Variants in CNTN3 observed in about 807,000 individuals in gnomAD.
CNTN3 encodes contactin 3.
A neutral mutation model predicts 119.1 loss-of-function variants in CNTN3; 60 were observed. The ratio of observed to expected loss-of-function variants is 0.50; its 90% CI spans 0.41 to 0.62. The LOEUF (loss-of-function observed/expected upper bound fraction) is 0.62, where lower values mean the gene tolerates loss of function less well. CNTN3 is among the 20% of genes least tolerant of loss of function. The probability of loss-of-function intolerance (pLI) is 0.00; values close to 1 mark genes in which losing one functional copy is unlikely to be tolerated. For missense variants in CNTN3, 1,101 were observed against 1,242.4 expected, an observed-to-expected ratio of 0.89 and a Z score of 1.71; for synonymous variants, 450 against 438.7, an observed-to-expected ratio of 1.03 and a Z score of -0.32.
At chr3:74,612,844 T>C (rs1007514567) in intron 1 of CNTN3, among the ~76,000 whole-genome samples, 9 of 152,168 alleles carry the variant, frequency 5.9e-5, no homozygotes, top group African/African-American at 2.2e-4. Flanking sequence ...CTGAACCCGA[T>C]CAGATTTCTT....
At chr3:74,550,728 G>C (rs1236003485) in intron 1 of CNTN3, among the ~76,000 whole-genome samples, 1 of 152,102 alleles carries the variant, frequency 6.6e-6, no homozygotes, top group Non-Finnish European at 1.5e-5. Context: ...TTTTTGTAGA[G>C]ATGGGGTCTT....
chr3:74,373,119 G>A (rs1276408712), intron 5 of CNTN3, among the ~76,000 whole-genome samples: 1 of 152,124 alleles, frequency 6.6e-6, no homozygotes, highest in Admixed American at 6.5e-5. Context: ...GATAAGTTGT[G>A]AGCTCTAAAG....
chr3:74,426,110 GTTAAA>G (rs1701690863), intron 4 of CNTN3, among the ~76,000 whole-genome samples: 2 of 152,162 alleles, frequency 1.3e-5, no homozygotes, highest in Admixed American at 1.3e-4. Context: ...TTCTTTCCAA[GTTAAA>G]TTAAAGGAGA....
chr3:74,499,737 C>T lies in CNTN3; in HGVS notation c.104G>A (p.Ser35Asn). Residue 35 changes from serine (S) to asparagine (N), a missense_variant, in exon 3 of 23, where the codon AGC becomes AAC. By Grantham distance (46) the Ser-to-Asn change is conservative. Coordinates refer to ENST00000263665, the MANE Select transcript of CNTN3 (RefSeq NM_020872.3). ...GPVFIKEPSN[S>N]IFPVGSEDKK... ...ATCTTCTGAACCAACAGGGAAAATGCTGTTGCTGGGTTCTTTGATAAATAC... is the reference window on the plus strand; with the variant it reads ...ATCTTCTGAACCAACAGGGAAAATGTTGTTGCTGGGTTCTTTGATAAATAC... The T allele has an allele frequency of 1.2e-6, 2 of 1,611,434 alleles. No homozygotes were observed. The highest frequency in any genetic ancestry group is 1.3e-5 in the African/African-American group (1 of 74,840).
intron 1 of CNTN3, among the ~76,000 whole-genome samples, chr3:74,567,041 AGGCT>A (rs1704235861): frequency 6.6e-6 from 1 of 152,162 alleles, no homozygotes; most frequent in Non-Finnish European, 1.5e-5. Flanking sequence ...GGCACAGAGC[AGGCT>A]GGAGAGCGTA....
intron 4 of CNTN3, among the ~76,000 whole-genome samples, chr3:74,467,127 G>A (rs758597405): frequency 2.9e-4 from 44 of 151,828 alleles, no homozygotes; most frequent in Non-Finnish European, 4.7e-4. Flanking sequence ...TTCAAAAAAG[G>A]TATACTATAC....
At chr3:74,339,625 C>G (rs868850603) in intron 11 of CNTN3, among the ~76,000 whole-genome samples, 13 of 152,046 alleles carry the variant, frequency 8.6e-5, no homozygotes, top group African/African-American at 3.1e-4. Context: ...ACACTGTAGG[C>G]TCTCTGGAGG....
At chr3:74,344,396 GGTTTTTTTTTTT>G (rs1703629198) in intron 11 of CNTN3, among the ~76,000 whole-genome samples, 1 of 87,812 alleles carries the variant, frequency 1.1e-5, no homozygotes. Flanking sequence ...CTTACACAGT[GGTTTTTTTTTTT>G]TTTTTTTTTT....
chr3:74,315,299 A>G (rs1243625607), intron 13 of CNTN3, among the ~76,000 whole-genome samples: 2 of 152,202 alleles, frequency 1.3e-5, no homozygotes, highest in African/African-American at 4.8e-5. Context: ...CCATAAAAAT[A>G]GTTATCCAGC....
chr3:74,592,668 T>C (rs1357693947), intron 1 of CNTN3, among the ~76,000 whole-genome samples: 2 of 151,962 alleles, frequency 1.3e-5, no homozygotes, highest in Admixed American at 6.6e-5. Context: ...AAAATCTTGA[T>C]AGAAATTTCC....
chr3:74,285,727 T>A (rs1178310028), intron 19 of CNTN3, among the ~76,000 whole-genome samples: 1 of 112,656 alleles, frequency 8.9e-6, no homozygotes, highest in African/African-American at 3.1e-5. Flanking sequence ...ACCAGATAAA[T>A]TCAAACAGAA....
chr3:74,277,804 A>T (rs1486563982), intron 20 of CNTN3, among the ~76,000 whole-genome samples: 1 of 152,142 alleles, frequency 6.6e-6, no homozygotes, highest in Non-Finnish European at 1.5e-5. Flanking sequence ...GGGCATCCAG[A>T]TCAGTAAAGA....
At chr3:74,440,996 C>G (rs1436728964) in intron 4 of CNTN3, among the ~76,000 whole-genome samples, 1 of 152,024 alleles carries the variant, frequency 6.6e-6, no homozygotes, top group Non-Finnish European at 1.5e-5. Flanking sequence ...CCCATGGACA[C>G]CTAAGGATGA....
rs184997291 is a variant in CNTN3 at position 74,410,110 on chromosome 3, G to A, written c.454+14735C>T. On this transcript the variant is annotated intron_variant, in intron 5 of 22. Coordinates refer to ENST00000263665, the MANE Select transcript of CNTN3 (RefSeq NM_020872.3). ...TCAGAATGCCTTGACTGCACCCTGT[G>A]GATGTTACAATTCTCTTTATGTATC... is the stretch of plus-strand genomic sequence containing the variant. Among the ~76,000 whole-genome samples the A allele has an allele frequency of 4.8e-4, 73 of 152,210 alleles. 1 individual carries two copies. In the South Asian group the frequency reaches 5.0e-3, roughly 10 times the overall value.
chr3:74,361,617 T>C (rs111628559), intron 11 of CNTN3, among the ~76,000 whole-genome samples: 74 of 152,312 alleles, frequency 4.9e-4, no homozygotes, highest in African/African-American at 1.6e-3. Context: ...ATCATTCTGG[T>C]TGAGTCTTCC....
At chr3:74,379,247 G>T (rs561946479) in intron 5 of CNTN3, among the ~76,000 whole-genome samples, 4 of 151,952 alleles carry the variant, frequency 2.6e-5, no homozygotes, top group African/African-American at 9.7e-5. Context: ...CCTCTGCCTC[G>T]TGGGTTCAAG....
chr3:74,392,415 TTTTC>T (rs1178816327), intron 5 of CNTN3, among the ~76,000 whole-genome samples: 1 of 152,188 alleles, frequency 6.6e-6, no homozygotes, highest in Non-Finnish European at 1.5e-5. Context: ...TGCTTCTTCT[TTTTC>T]TTTCTTCCTT....
intron 13 of CNTN3, among the ~76,000 whole-genome samples, chr3:74,308,990 C>CA (rs1369353258): frequency 6.6e-6 from 1 of 152,086 alleles, no homozygotes; most frequent in Non-Finnish European, 1.5e-5. Flanking sequence ...TGGACACTGT[C>CA]AAAGTCCCTG....
chr3:74,302,712 A>T lies in CNTN3; in HGVS notation c.1764T>A (p.Ser588=), dbSNP rs75253024. Residue 588 remains serine (S), a synonymous_variant, in exon 14 of 23, where the codon TCT becomes TCA. Coordinates refer to ENST00000263665, the MANE Select transcript of CNTN3 (RefSeq NM_020872.3). ...TACCTCTTACTATGAGGTCAGCAGC[A>T]GATGAAACACTGTCCACCCCCGTTT... is the stretch of plus-strand genomic sequence containing the variant. ...MVQTGVDSVS[S]AADLIVRGSP... The T allele has an allele frequency of 3.7e-3, 6,007 of 1,611,608 alleles. 200 individuals are homozygous for T. The African/African-American group carries it at 0.066, about 18-fold the overall frequency.
Sources: allele counts gnomAD v4.1 joint callset (sites outside exome capture counted in the v4.1 genomes callset), GRCh38; gene constraint gnomAD v4.1.1; transcripts MANE v1.5; gene names NCBI Gene and HGNC (gene_info 2026-07-23, HGNC 2026-07-21).